CELF2: variants seen among roughly 807,000 people sequenced by gnomAD.
CELF2 encodes the protein CUG triplet repeat RNA-binding protein 2.
Under a neutral mutation model 62.6 loss-of-function variants are expected in CELF2, and 8 were observed. The observed-to-expected ratio is 0.13, with a 90% CI of 0.07 to 0.23. CELF2 has a LOEUF of 0.23. Among genes scored for constraint, CELF2 ranks in the 10% least tolerant of loss-of-function variants. CELF2 has a pLI of 1.00. For synonymous variants in CELF2, 258 were observed against 250.0 expected (o/e 1.03, Z -0.30); for missense variants, 333 against 671.0 (o/e 0.50, Z 5.56).
chr10:10,712,075 T>C, the CELF2 span, among the ~76,000 whole-genome samples: 2 of 139,820 alleles, frequency 1.4e-5, no homozygotes, highest in African/African-American at 5.3e-5. Flanking sequence ...CTGAATTTCC[T>C]CATCTCAGAA....
intron 1 of CELF2, among the ~76,000 whole-genome samples, chr10:11,095,106 T>G (rs1245729658): frequency 6.6e-6 from 1 of 152,238 alleles, no homozygotes; most frequent in Non-Finnish European, 1.5e-5. Flanking sequence ...GTTTTTATTT[T>G]TAATGAGGCA....
chr10:11,047,968 A>G (rs954507631), intron 1 of CELF2, among the ~76,000 whole-genome samples: 4 of 152,204 alleles, frequency 2.6e-5, no homozygotes, highest in Non-Finnish European at 4.4e-5. Context: ...ACTAAATATC[A>G]TAATAAAGAT....
At chr10:10,878,983 C>G (rs1291178281) in intron 1 of CELF2, among the ~76,000 whole-genome samples, 1 of 152,158 alleles carries the variant, frequency 6.6e-6, no homozygotes, top group African/African-American at 2.4e-5. Flanking sequence ...ACACTTCTCA[C>G]TCCCAGGGCT....
chr10:11,014,091 G>A (rs768605017), upstream of CELF2, among the ~76,000 whole-genome samples: 2 of 152,178 alleles, frequency 1.3e-5, no homozygotes, highest in Admixed American at 6.5e-5. Context: ...CACGCTGGAC[G>A]TGTTTTTTTG....
chr10:11,024,091 T>A lies in CELF2; in HGVS notation c.74+5928T>A, dbSNP rs200315700. The stretch of plus-strand genomic sequence containing the variant: ...GCTGTATTTAAACTATCAGGTCGGC[T>A]TTATTAGTCTGTGTTTTTCTATCAG... On this transcript the variant is annotated intron_variant, in intron 1 of 12. Transcript: ENST00000633077. 3.3e-5 allele frequency among the ~76,000 whole-genome samples: 5 copies of A among 152,322 alleles called. No homozygotes were observed. The East Asian group carries it at 7.7e-4, about 24-fold the overall frequency.
At chr10:11,005,312 A>G, upstream of CELF2, 2 of 1,605,318 alleles carry the variant, frequency 1.2e-6, no homozygotes, top group Non-Finnish European at 1.7e-6. The surrounding 1 kb of genome is among the most constrained non-coding windows in gnomAD (Gnocchi z 4.3). Context: ...AGGGCGCGTT[A>G]GTGAGCAGCG....
intron 2 of CELF2, among the ~76,000 whole-genome samples, chr10:11,196,207 C>A (rs1445158229): frequency 1.3e-5 from 2 of 152,186 alleles, no homozygotes; most frequent in East Asian, 3.8e-4. Flanking sequence ...CTGGGAAGCA[C>A]GTGAGCAGCG....
At chr10:10,902,078 C>T (rs576458891) in intron 1 of CELF2, among the ~76,000 whole-genome samples, 12 of 152,276 alleles carry the variant, frequency 7.9e-5, no homozygotes, top group South Asian at 4.1e-4. Context: ...TACCAAGTCA[C>T]GGTGAGAGGG....
intron 1 of CELF2, among the ~76,000 whole-genome samples, chr10:11,079,833 A>T (rs1320084382): frequency 6.7e-6 from 1 of 149,424 alleles, no homozygotes; most frequent in Non-Finnish European, 1.5e-5. Flanking sequence ...AGCTTCTGCC[A>T]TCACCTGGCA....
intron 1 of CELF2, among the ~76,000 whole-genome samples, chr10:11,099,616 A>G (rs2050885103): frequency 2.6e-5 from 4 of 152,200 alleles, no homozygotes; most frequent in Admixed American, 1.3e-4. Flanking sequence ...CACCAATGTA[A>G]CTTAATTTTA....
intron 3 of CELF2, among the ~76,000 whole-genome samples, chr10:11,236,860 G>A (rs561932676): frequency 1.3e-3 from 199 of 152,342 alleles, no homozygotes; most frequent in African/African-American, 4.6e-3. Flanking sequence ...CACAGCAGAA[G>A]TTCATGGAAT....
chr10:10,472,700 T>C, the CELF2 span, among the ~76,000 whole-genome samples: 1 of 151,950 alleles, frequency 6.6e-6, no homozygotes, highest in Non-Finnish European at 1.5e-5. Flanking sequence ...GTCTGAGAAT[T>C]CTTGCTCTGT....
chr10:11,189,977 C>G (rs551000876), intron 2 of CELF2, among the ~76,000 whole-genome samples: 1 of 152,296 alleles, frequency 6.6e-6, no homozygotes, highest in East Asian at 1.9e-4. Context: ...GTACTTCCAT[C>G]TCTTTTTGTT....
chr10:11,313,025 C>G (rs1477002039), intron 9 of CELF2, among the ~76,000 whole-genome samples: 1 of 152,178 alleles, frequency 6.6e-6, no homozygotes, highest in Non-Finnish European at 1.5e-5. Flanking sequence ...CTTAAATTAT[C>G]AGGCTGTGTT....
intron 1 of CELF2, among the ~76,000 whole-genome samples, chr10:10,876,651 T>A (rs750252659): frequency 7.2e-5 from 11 of 152,166 alleles, no homozygotes; most frequent in Non-Finnish European, 1.6e-4. Context: ...AAATGCCTCT[T>A]TACTGACTCC....
At chr10:10,483,366 C>A in the CELF2 span, among the ~76,000 whole-genome samples, 1 of 152,152 alleles carries the variant, frequency 6.6e-6, no homozygotes, top group Admixed American at 6.6e-5. Flanking sequence ...CCTCTGAAAG[C>A]ACTTGGAAGA....
intron 1 of CELF2, among the ~76,000 whole-genome samples, chr10:11,116,572 G>A (rs2143677495): frequency 6.6e-6 from 1 of 152,314 alleles, no homozygotes; most frequent in African/African-American, 2.4e-5. Flanking sequence ...CTGATAACTT[G>A]GCAAAATCAG....
chr10:11,025,326 TGTA>T (rs1193925104), intron 1 of CELF2, among the ~76,000 whole-genome samples: 4 of 151,906 alleles, frequency 2.6e-5, no homozygotes, highest in African/African-American at 9.7e-5. Context: ...CATCTTGAAT[TGTA>T]GTCACCATAG....
rs1354674411 is a variant in CELF2 at position 11,246,118 on chromosome 10, C to G, written c.355-3035C>G. ...CACCTGCCATCATCCACGCATTTCA[C>G]AGATGCATCTGAATGCTCACAGTGC... is the stretch of plus-strand genomic sequence containing the variant. On this transcript the variant is annotated intron_variant, in intron 3 of 12. Coordinates refer to ENST00000633077, the MANE Select transcript of CELF2 (RefSeq NM_001326342.2). The surrounding 1 kb of genome is among the most constrained non-coding windows in gnomAD (Gnocchi z 4.6). Among the ~76,000 whole-genome samples the G allele has an allele frequency of 6.6e-6, 1 of 152,140 alleles. No individual in the cohort carries two copies. Among genetic ancestry groups the G allele is most frequent in the African/African-American group, 2.4e-5 (1 of 41,432 alleles).
Sources: gnomAD v4.1 joint callset for allele counts (sites outside exome capture counted in the v4.1 genomes callset) on GRCh38, gnomAD v4.1.1 for gene constraint, Gnocchi (gnomAD v3.1) non-coding constraint, MANE v1.5 for transcripts, NCBI Gene and HGNC (gene_info 2026-07-23, HGNC 2026-07-21) for gene names.